The following COLEC12 variants were observed in gnomAD, a reference collection of about 807,000 sequenced individuals.
The protein encoded by COLEC12 is collectin subfamily member 12.
Under a neutral mutation model 71.1 loss-of-function variants are expected in COLEC12, and 33 were observed. The ratio of observed to expected loss-of-function variants is 0.46; its 90% CI spans 0.35 to 0.62. COLEC12 has a LOEUF of 0.62. Ranked by LOEUF, COLEC12 falls within the 20% of genes least tolerant of loss-of-function variation. The pLI is 0.00. For missense variants in COLEC12, 765 were observed against 916.1 expected (o/e 0.84, Z 2.13); for synonymous variants, 350 against 353.0 (o/e 0.99, Z 0.10).
chr18:417,280 G>C (rs1161972534), intron 2 of COLEC12, among the ~76,000 whole-genome samples: 1 of 152,114 alleles, frequency 6.6e-6, no homozygotes, highest in Non-Finnish European at 1.5e-5. Flanking sequence ...TTGTGTATCT[G>C]AGCATATCTA....
chr18:440,967 G>A (rs899903611), intron 2 of COLEC12, among the ~76,000 whole-genome samples: 1 of 152,184 alleles, frequency 6.6e-6, no homozygotes, highest in Non-Finnish European at 1.5e-5. Context: ...GGGCTATGCA[G>A]GCCGGGCGTG....
chr18:406,659 G>A (rs1384395069), intron 2 of COLEC12, among the ~76,000 whole-genome samples: 1 of 151,656 alleles, frequency 6.6e-6, no homozygotes. Flanking sequence ...ATTCTTTCTT[G>A]TGTGAGATCC....
rs1450161990 is a variant in COLEC12 at position 500,159 on chromosome 18, G to C, written c.7+349C>G. On this transcript the variant is annotated intron_variant, in intron 1 of 9. Coordinates refer to ENST00000400256, the MANE Select transcript of COLEC12 (RefSeq NM_130386.3). This position sits in a 1 kb window ranked among gnomAD's most constrained non-coding sequence, Gnocchi z 5.3. ...AGCGCTGCGGCGTGGAAAAGCGACCGGGAGGGATGGCGATGCCTCCACTCT... is the reference window on the plus strand; with the variant it reads ...AGCGCTGCGGCGTGGAAAAGCGACCCGGAGGGATGGCGATGCCTCCACTCT... Among the ~76,000 whole-genome samples the C allele has an allele frequency of 6.6e-6, 1 of 152,324 alleles. No homozygotes were observed. The highest frequency in any genetic ancestry group is 2.4e-5 in the African/African-American group (1 of 41,578).
In COLEC12 at chr18:408,014, G is replaced by T. The variant is rs1915823323; in HGVS notation, c.59-50492C>A. ...GCTAGAAGGAATATAATAAATGGCT[G>T]GATGAATGATGAATATGACTCATGC... On this transcript the variant is annotated intron_variant, in intron 2 of 9. Coordinates refer to ENST00000400256, the MANE Select transcript of COLEC12 (RefSeq NM_130386.3). This position sits in a 1 kb window ranked among gnomAD's most constrained non-coding sequence, Gnocchi z 4.3. 6.6e-6 allele frequency among the ~76,000 whole-genome samples: 1 copy of T among 152,188 alleles called. No homozygotes were observed. Among genetic ancestry groups the T allele is most frequent in the Admixed American group, 6.5e-5 (1 of 15,276 alleles).
At chr18:458,842 T>C (rs1916921930) in intron 2 of COLEC12, among the ~76,000 whole-genome samples, 1 of 152,264 alleles carries the variant, frequency 6.6e-6, no homozygotes, top group Non-Finnish European at 1.5e-5. Flanking sequence ...GGTACTCAGA[T>C]AACTTCTTTT....
At chr18:486,238 T>G (rs1917516104) in intron 1 of COLEC12, among the ~76,000 whole-genome samples, 1 of 152,168 alleles carries the variant, frequency 6.6e-6, no homozygotes. Flanking sequence ...CAGGCTGGAG[T>G]GCAGTGGAAC....
chr18:392,423 T>C (rs949486940), intron 2 of COLEC12, among the ~76,000 whole-genome samples: 1 of 152,212 alleles, frequency 6.6e-6, no homozygotes, highest in Non-Finnish European at 1.5e-5. Flanking sequence ...ATCACACGAC[T>C]CCTGTACAAG....
intron 5 of COLEC12, among the ~76,000 whole-genome samples, chr18:336,415 G>A (rs148374208): frequency 5.9e-5 from 9 of 152,270 alleles, no homozygotes; most frequent in South Asian, 4.2e-4. Context: ...GAAGAAAAGC[G>A]AATACTGCTC....
chr18:421,740 C>G (rs1916102408), intron 2 of COLEC12, among the ~76,000 whole-genome samples: 1 of 152,084 alleles, frequency 6.6e-6, no homozygotes, highest in Admixed American at 6.5e-5. Flanking sequence ...AGTGATTGAC[C>G]ACTGATGGTA....
At chr18:350,213 T>C (rs1319504847) in intron 3 of COLEC12, among the ~76,000 whole-genome samples, 1 of 152,182 alleles carries the variant, frequency 6.6e-6, no homozygotes, top group African/African-American at 2.4e-5. Context: ...GGGGGCGGTT[T>C]CCCCCATACT....
chr18:474,039 T>C (rs1338622105), intron 2 of COLEC12, among the ~76,000 whole-genome samples: 2 of 152,280 alleles, frequency 1.3e-5, no homozygotes, highest in African/African-American at 4.8e-5. Context: ...TATTATGAAA[T>C]TGTGAAATAT....
intron 2 of COLEC12, among the ~76,000 whole-genome samples, chr18:366,677 G>A (rs986522249): frequency 6.6e-6 from 1 of 152,228 alleles, no homozygotes; most frequent in Non-Finnish European, 1.5e-5. Flanking sequence ...CTGGAGTACA[G>A]ATCCGGGCAG....
intron 2 of COLEC12, among the ~76,000 whole-genome samples, chr18:448,742 G>A (rs967651200): frequency 3.3e-5 from 5 of 152,158 alleles, no homozygotes; most frequent in Admixed American, 6.5e-5. Flanking sequence ...AAAGGAATTT[G>A]TGGCAAGAAT....
At chr18:349,534 G>A (rs532391633) in intron 3 of COLEC12, among the ~76,000 whole-genome samples, 3 of 152,326 alleles carry the variant, frequency 2.0e-5, no homozygotes, top group African/African-American at 7.2e-5. Flanking sequence ...CCCTACTGGG[G>A]CACTGCCTAG....
intron 2 of COLEC12, among the ~76,000 whole-genome samples, chr18:379,823 T>C (rs1221315756): frequency 2.0e-5 from 3 of 152,122 alleles, no homozygotes; most frequent in African/African-American, 4.8e-5. Context: ...CAACCCGACA[T>C]GTGAGCATGG....
chr18:350,047 G>C (rs745947946), intron 3 of COLEC12, among the ~76,000 whole-genome samples: 2 of 152,196 alleles, frequency 1.3e-5, no homozygotes, highest in African/African-American at 2.4e-5. Flanking sequence ...GGGAAGGCAT[G>C]ATTTGTTTTG....
At chr18:425,993 C>T (rs1282074266) in intron 2 of COLEC12, among the ~76,000 whole-genome samples, 1 of 152,188 alleles carries the variant, frequency 6.6e-6, no homozygotes, top group Non-Finnish European at 1.5e-5. Flanking sequence ...CACAGCAACC[C>T]TGTGCAGTGA....
intron 2 of COLEC12, among the ~76,000 whole-genome samples, chr18:448,357 T>G (rs1189941041): frequency 6.6e-6 from 1 of 152,208 alleles, no homozygotes; most frequent in Non-Finnish European, 1.5e-5. Flanking sequence ...AAACTTGGTT[T>G]GGCAAACCCT....
chr18:469,687 T>C (rs1449134554), intron 2 of COLEC12, among the ~76,000 whole-genome samples: 1 of 152,158 alleles, frequency 6.6e-6, no homozygotes, highest in Non-Finnish European at 1.5e-5. Flanking sequence ...CCAACTGTTT[T>C]ACTGGTTTTT....
Sources: gnomAD v4.1 joint callset for allele counts (sites outside exome capture counted in the v4.1 genomes callset) on GRCh38, gnomAD v4.1.1 for gene constraint, Gnocchi (gnomAD v3.1) non-coding constraint, MANE v1.5 for transcripts, NCBI Gene and HGNC (gene_info 2026-07-23, HGNC 2026-07-21) for gene names.